The following ZNF440 variants were observed in gnomAD, a reference collection of about 807,000 sequenced individuals.
The protein encoded by ZNF440 is zinc finger protein 440.
In ZNF440, 47 loss-of-function variants were observed where a neutral mutation model predicts 49.7. The ratio of observed to expected loss-of-function variants is 0.95; its 90% CI spans 0.75 to 1.21. ZNF440 has a LOEUF of 1.21. Among genes scored for constraint, ZNF440 ranks in the 50% most tolerant of loss-of-function variants. The probability of loss-of-function intolerance (pLI) is 0.00; values close to 1 mark genes in which losing one functional copy is unlikely to be tolerated. For synonymous variants in ZNF440, 255 were observed against 237.7 expected (o/e 1.07, Z -0.67); for missense variants, 703 against 715.0 (o/e 0.98, Z 0.19).
In ZNF440 at chr19:11,818,859, G is replaced by T. The variant is rs2545814; in HGVS notation, c.3+4409G>T. Among the ~76,000 whole-genome samples the T allele has an allele frequency of 8.0e-3, 1,216 of 151,958 alleles. 19 individuals carry two copies. The highest frequency in any genetic ancestry group is 0.028 in the African/African-American group (1,142 of 41,374). On this transcript the variant is annotated intron_variant, in intron 1 of 3. Coordinates refer to ENST00000304060, the MANE Select transcript of ZNF440 (RefSeq NM_152357.3). ...CTGGCTAACAACCTAATTCATTATG[G>T]TTTTTTTTCCCCCAGAGCTTGTTTT...
intron 1 of ZNF440, among the ~76,000 whole-genome samples, chr19:11,817,865 A>C (rs1028486531): frequency 1.3e-5 from 2 of 152,190 alleles, no homozygotes; most frequent in Non-Finnish European, 1.5e-5. Context: ...CTGTTGATTT[A>C]AAGAAAACTA....
chr19:11,822,617 G>A (rs1468441901), intron 1 of ZNF440, among the ~76,000 whole-genome samples: 1 of 152,146 alleles, frequency 6.6e-6, no homozygotes, highest in Non-Finnish European at 1.5e-5. Context: ...GGAGGCTGAG[G>A]CGGGTGGAAC....
At chr19:11,818,213 A>C (rs546276167) in intron 1 of ZNF440, among the ~76,000 whole-genome samples, 19 of 152,248 alleles carry the variant, frequency 1.2e-4, no homozygotes, top group South Asian at 1.2e-3. Flanking sequence ...TCAAAAAAAA[A>C]CCAAAACGAA....
rs772139200 is a variant in ZNF440 at position 11,831,697 on chromosome 19, G to A, written c.521G>A (p.Cys174Tyr). 4 of 1,614,132 alleles carry A rather than the reference G, an allele frequency of 2.5e-6. No individual in the cohort carries two copies. In the Admixed American group the frequency reaches 5.0e-5, roughly 20 times the overall value. ...CACACTGGAGAGAAACCCAATGCTT[G>A]TAAAGTATGTGGAAAAACCTTTATT... ...RDHTGEKPNA[C>Y]KVCGKTFISH... The change falls in exon 4 of 4, where the codon TGT (cysteine) becomes TAT (tyrosine). Residue 174 changes from cysteine to tyrosine, a missense_variant. Physicochemically the swap from Cys to Tyr is radical, Grantham distance 194. Transcript: ENST00000304060.
intron 1 of ZNF440, chr19:11,829,935 C>A (rs77744942): frequency 1.9e-5 from 4 of 210,736 alleles, no homozygotes; most frequent in African/African-American, 7.0e-5. Context: ...GCAGCCTGAC[C>A]AACGTGGAGA....
chr19:11,828,216 T>C (rs927182839), intron 1 of ZNF440, among the ~76,000 whole-genome samples: 1 of 152,134 alleles, frequency 6.6e-6, no homozygotes, highest in Non-Finnish European at 1.5e-5. Flanking sequence ...TGTTTAAAGA[T>C]AGAGTCTCAC....
At position 11,834,496 on chromosome 19, in the gene ZNF440, C is replaced by T. The variant is rs1975994449; in HGVS notation, c.*1532C>T. The T allele has an allele frequency of 6.6e-6, 1 of 152,128 alleles. No homozygotes were observed. The highest frequency in any genetic ancestry group is 1.5e-5 in the Non-Finnish European group (1 of 68,040). The allele number at this position is 152,128 out of a possible 1,614,324, so 9.4% of individuals were successfully genotyped here. On this transcript the variant is annotated 3_prime_UTR_variant, in exon 4 of 4. Coordinates refer to ENST00000304060, the MANE Select transcript of ZNF440 (RefSeq NM_152357.3). ...ATGCACCTCTGAGTGCCTTCTTCCC[C>T]AAAACCAGCAGTGCCATACCTGCTG...
chr19:11,831,317 T>C lies in ZNF440; in HGVS notation c.192-51T>C, dbSNP rs185352630. 678 of 1,566,552 alleles carry C rather than the reference T, an allele frequency of 4.3e-4. 4 individuals are homozygous for C. The highest frequency in any genetic ancestry group is 2.2e-3 in the Middle Eastern group (13 of 5,798). On this transcript the variant is annotated intron_variant, in intron 3 of 3. Transcript: ENST00000304060. Reference sequence around the variant, plus strand: ...CAAGTGCAATACTTGTTGATTAATATAGAAGTACTTATAAACAAACCCTTC... The same window carrying C: ...CAAGTGCAATACTTGTTGATTAATACAGAAGTACTTATAAACAAACCCTTC...
intron 1 of ZNF440, among the ~76,000 whole-genome samples, chr19:11,822,272 A>G (rs1271337309): frequency 6.6e-6 from 1 of 152,206 alleles, no homozygotes; most frequent in African/African-American, 2.4e-5. Flanking sequence ...AACTGGGAGA[A>G]AGTGGAGAAC....
chr19:11,833,703 C>A lies in ZNF440; in HGVS notation c.*739C>A. 1 of 625,628 alleles carries A rather than the reference C, an allele frequency of 1.6e-6. No homozygotes were observed. Among genetic ancestry groups the A allele is most frequent in the Non-Finnish European group, 2.6e-6 (1 of 389,796 alleles). The allele number at this position is 625,628 out of a possible 1,614,324, so 38.8% of individuals were successfully genotyped here. A position where few individuals can be genotyped will look rare whatever the true frequency, so the allele number is the denominator to read the frequency against. ...AGCCTTCATTTCTTCTAGTTCCCTT[C>A]AATATCATGAAAGGACTCACACTGG... On this transcript the variant is annotated 3_prime_UTR_variant, in exon 4 of 4. Transcript: ENST00000304060.
rs1421023423 is a variant in ZNF440 at position 11,832,901 on chromosome 19, T to A, written c.1725T>A (p.Asn575Lys). The change falls in exon 4 of 4, where the codon AAT (asparagine) becomes AAA (lysine). Residue 575 changes from asparagine to lysine, a missense_variant. By Grantham distance (94) the Asn-to-Lys change is moderately conservative (BLOSUM62 0). Transcript: ENST00000304060. Reference sequence around the variant, plus strand: ...AGAGAAGCCCTATGCATGTAAGGAATGTGGGAAACCCTTCGGATCTGCCCA... The same window carrying A: ...AGAGAAGCCCTATGCATGTAAGGAAAGTGGGAAACCCTTCGGATCTGCCCA... ...TMERSPMHVR[N>K]VGNPSDLPRT... The A allele has an allele frequency of 6.2e-7, 1 of 1,612,416 alleles. No individual in the cohort carries two copies. Among genetic ancestry groups the A allele is most frequent in the African/African-American group, 1.3e-5 (1 of 74,778 alleles).
Position 11,819,167 on chromosome 19 carries a change from T to C in ZNF440, c.3+4717T>C, listed in dbSNP as rs1975768604. Among the ~76,000 whole-genome samples, 2 of 152,104 alleles carry C rather than the reference T, an allele frequency of 1.3e-5. 1 individual carries two copies. The highest frequency in any genetic ancestry group is 4.1e-4 in the South Asian group (2 of 4,824). On this transcript the variant is annotated intron_variant, in intron 1 of 3. Transcript: ENST00000304060. Reference sequence around the variant, plus strand: ...CCATCTCAATTATGAAAAATCATATTAAATTTTAAAAAAATAGTGATGAGG... The same window carrying C: ...CCATCTCAATTATGAAAAATCATATCAAATTTTAAAAAAATAGTGATGAGG...
Position 11,814,313 on chromosome 19 carries a change from A to G in ZNF440, c.-135A>G, listed in dbSNP as rs933494116. On this transcript the variant is annotated 5_prime_UTR_variant, in exon 1 of 4. Coordinates refer to ENST00000304060, the MANE Select transcript of ZNF440 (RefSeq NM_152357.3). ...CTTTAGTGCTGCGCCGACAGCGGTCAGGATCTCGGCTTTCTTGCTTCGAGA... is the reference window on the plus strand; with the variant it reads ...CTTTAGTGCTGCGCCGACAGCGGTCGGGATCTCGGCTTTCTTGCTTCGAGA... 3 of 969,716 alleles carry G rather than the reference A, an allele frequency of 3.1e-6. No individual in the cohort carries two copies. The highest frequency in any genetic ancestry group is 2.0e-5 in the South Asian group (1 of 48,884). The allele number at this position is 969,716 out of a possible 1,614,324, so 60.1% of individuals were successfully genotyped here.
At chr19:11,825,978 G>A (rs1975860830) in intron 1 of ZNF440, among the ~76,000 whole-genome samples, 1 of 151,772 alleles carries the variant, frequency 6.6e-6, no homozygotes, top group South Asian at 2.1e-4. Flanking sequence ...ATCACGCCCG[G>A]CTGATTTTGT....
At position 11,830,280 on chromosome 19, in the gene ZNF440, C is replaced by G; in HGVS notation, c.4-3C>G. 9 of 1,614,184 alleles carry G rather than the reference C, an allele frequency of 5.6e-6. No individual in the cohort carries two copies. Among genetic ancestry groups the G allele is most frequent in the Non-Finnish European group, 7.6e-6 (9 of 1,180,018 alleles). ...CTTCTTCTACACATGTGAGATGTTTCAGGACCCAGTGGCTTTTAAGGATGT... is the reference window on the plus strand; with the variant it reads ...CTTCTTCTACACATGTGAGATGTTTGAGGACCCAGTGGCTTTTAAGGATGT... On this transcript the variant is annotated splice_polypyrimidine_tract_variant and splice_region_variant and intron_variant, in intron 1 of 3. Transcript: ENST00000304060.
At chr19:11,822,729 C>T (rs1367215657) in intron 1 of ZNF440, among the ~76,000 whole-genome samples, 1 of 151,764 alleles carries the variant, frequency 6.6e-6, no homozygotes, top group Non-Finnish European at 1.5e-5. Context: ...TGGCTGTAAT[C>T]CCAGCTACTC....
intron 1 of ZNF440, among the ~76,000 whole-genome samples, chr19:11,820,209 C>T (rs1975781610): frequency 6.6e-6 from 1 of 152,052 alleles, no homozygotes; most frequent in South Asian, 2.1e-4. Flanking sequence ...CATACACCCT[C>T]GTATCCTTTT....
Position 11,831,829 on chromosome 19 carries a change from A to T in ZNF440, c.653A>T (p.His218Leu). 1 of 1,609,256 alleles carries T rather than the reference A, an allele frequency of 6.2e-7. No individual in the cohort carries two copies. The part of the protein sequence containing the change: ...AFHCLRLYLI[H>L]ERIHTGEKPC... The stretch of plus-strand genomic sequence containing the variant: ...CATTGTCTCAGATTATATCTTATCC[A>T]TGAAAGAATTCACACTGGAGAGAAA... Residue 218 changes from histidine (H) to leucine (L), a missense_variant, in exon 4 of 4, where the codon CAT (histidine) becomes CTT (leucine). His to Leu is a moderately conservative substitution (Grantham distance 99). Transcript: ENST00000304060.
Position 11,831,356 on chromosome 19 carries a change from C to A in ZNF440, c.192-12C>A. On this transcript the variant is annotated splice_polypyrimidine_tract_variant and intron_variant, in intron 3 of 3. Coordinates refer to ENST00000304060, the MANE Select transcript of ZNF440 (RefSeq NM_152357.3). ...AACAAACCCTTCATAATATGCTTCT[C>A]ATTTTTGACAGGAGTCTCATAGAAG... 1.9e-6 allele frequency: 3 copies of A among 1,597,410 alleles called. No homozygotes were observed. In the South Asian group the frequency reaches 3.4e-5, roughly 18 times the overall value.
Sources: allele counts gnomAD v4.1 joint callset (sites outside exome capture counted in the v4.1 genomes callset), GRCh38; gene constraint gnomAD v4.1.1; transcripts MANE v1.5; gene names NCBI Gene and HGNC (gene_info 2026-07-23, HGNC 2026-07-21).